The following STXBP5 variants were observed in gnomAD, a reference collection of about 807,000 sequenced individuals.
STXBP5 encodes syntaxin-binding protein 5.
In STXBP5, 50 loss-of-function variants were observed where a neutral mutation model predicts 152.4. The ratio of observed to expected loss-of-function variants is 0.33; its 90% CI spans 0.26 to 0.42. The LOEUF (loss-of-function observed/expected upper bound fraction) is 0.42, where lower values mean the gene tolerates loss of function less well. Ranked by LOEUF, STXBP5 falls within the 10% of genes least tolerant of loss-of-function variation. STXBP5 has a pLI of 1.00. For missense variants in STXBP5, 1,167 were observed against 1,388.6 expected (o/e 0.84, Z 2.54); for synonymous variants, 492 against 494.7 (o/e 0.99, Z 0.07).
At chr6:147,316,081 T>G (rs1782628871) in intron 15 of STXBP5, 148 bp from the exon 16 acceptor site, 2 of 794,632 alleles carry the variant, frequency 2.5e-6, no homozygotes, top group Non-Finnish European at 3.9e-6. Context: ...TGCTAAATCC[T>G]TATTTTTTGA....
intron 27 of STXBP5, among the ~76,000 whole-genome samples, chr6:147,383,854 C>T (rs1481076411): frequency 6.6e-6 from 1 of 151,912 alleles, no homozygotes; most frequent in Non-Finnish European, 1.5e-5. Context: ...GTAACTTGAC[C>T]TGGAAGATAC....
At chr6:147,242,989 T>C (rs1482260263) in intron 4 of STXBP5, among the ~76,000 whole-genome samples, 1 of 152,230 alleles carries the variant, frequency 6.6e-6, no homozygotes, top group Non-Finnish European at 1.5e-5. Flanking sequence ...TGTATTTCCA[T>C]TCACCTATTG....
chr6:147,272,020 A>G (rs1780196553), intron 7 of STXBP5, among the ~76,000 whole-genome samples: 1 of 152,134 alleles, frequency 6.6e-6, no homozygotes, highest in Non-Finnish European at 1.5e-5. Context: ...GATGAAATGG[A>G]GAATTTCCTT....
intron 19 of STXBP5, among the ~76,000 whole-genome samples, chr6:147,337,571 TTTA>T (rs1381684663): frequency 6.6e-6 from 1 of 152,034 alleles, no homozygotes; most frequent in African/African-American, 2.4e-5. Context: ...TTTTTCTGAT[TTTA>T]TTATGTATAG....
rs1467732945 is a variant in STXBP5 at position 147,204,915 on chromosome 6, C to T, written c.150+233C>T. Among the ~76,000 whole-genome samples, 6 of 152,168 alleles carry T rather than the reference C, an allele frequency of 3.9e-5. No homozygotes were observed. Among genetic ancestry groups the T allele is most frequent in the Admixed American group, 6.5e-5 (1 of 15,282 alleles). On this transcript the variant is annotated intron_variant, in intron 1 of 27. Coordinates refer to ENST00000321680, the MANE Select transcript of STXBP5 (RefSeq NM_001127715.4). This position sits in a 1 kb window ranked among gnomAD's most constrained non-coding sequence, Gnocchi z 4.3. ...TTCTCTCTCCCCTTTGCACATGCAG[C>T]AATCAGTTCAAGGTTGCTTCAAACT...
intron 2 of STXBP5, among the ~76,000 whole-genome samples, chr6:147,233,279 T>C (rs1243534081): frequency 6.6e-6 from 1 of 151,770 alleles, no homozygotes; most frequent in African/African-American, 2.4e-5. Context: ...ATATGAATGC[T>C]GCACTCGTAT....
intron 19 of STXBP5, among the ~76,000 whole-genome samples, chr6:147,334,571 A>G (rs1041317645): frequency 1.3e-5 from 2 of 152,158 alleles, no homozygotes; most frequent in Non-Finnish European, 2.9e-5. Flanking sequence ...AATGTTTAAC[A>G]CTTATAATCT....
chr6:147,253,956 T>C (rs1779229720), intron 4 of STXBP5, among the ~76,000 whole-genome samples: 1 of 152,206 alleles, frequency 6.6e-6, no homozygotes. Flanking sequence ...TTAAATTTTA[T>C]GTGGAACCAA....
intron 25 of STXBP5, among the ~76,000 whole-genome samples, chr6:147,365,576 G>A (rs1449023081): frequency 6.6e-6 from 1 of 152,074 alleles, no homozygotes; most frequent in Non-Finnish European, 1.5e-5. Flanking sequence ...TAGTCTTTTA[G>A]TAGTAAACTA....
chr6:147,311,565 G>A (rs1278243738), intron 11 of STXBP5, 38 bp downstream of exon 11: 2 of 1,514,546 alleles, frequency 1.3e-6, no homozygotes, highest in East Asian at 2.3e-5. Context: ...CTATCAGTAT[G>A]TGGTTGAAAA....
intron 26 of STXBP5, among the ~76,000 whole-genome samples, chr6:147,380,242 C>CA (rs1786015543): frequency 6.6e-6 from 1 of 151,142 alleles, no homozygotes; most frequent in African/African-American, 2.4e-5. Flanking sequence ...TGGAGGGACT[C>CA]AAACATTTCA....
At chr6:147,351,654 A>AT (rs1346989963) in intron 21 of STXBP5, among the ~76,000 whole-genome samples, 1 of 152,104 alleles carries the variant, frequency 6.6e-6, no homozygotes, top group Non-Finnish European at 1.5e-5. Context: ...TTTAACTGAA[A>AT]TTTTTTACGT....
chr6:147,252,987 A>G (rs1288353598), intron 4 of STXBP5, among the ~76,000 whole-genome samples: 5 of 152,072 alleles, frequency 3.3e-5, no homozygotes, highest in African/African-American at 1.2e-4. Context: ...TGATACCACA[A>G]CCTTTCAGAG....
chr6:147,225,943 T>C (rs1012369291), intron 2 of STXBP5, among the ~76,000 whole-genome samples: 1 of 152,178 alleles, frequency 6.6e-6, no homozygotes, highest in Non-Finnish European at 1.5e-5. Context: ...TTCCTGATAG[T>C]GACAGGATTA....
At chr6:147,237,747 A>G (rs1429883082) in intron 3 of STXBP5, among the ~76,000 whole-genome samples, 2 of 152,200 alleles carry the variant, frequency 1.3e-5, no homozygotes, top group African/African-American at 4.8e-5. Context: ...ATAATTTAAT[A>G]TAAATCTTGT....
chr6:147,284,245 G>A (rs573129241), intron 8 of STXBP5, among the ~76,000 whole-genome samples: 6 of 152,202 alleles, frequency 3.9e-5, no homozygotes, highest in Non-Finnish European at 8.8e-5. Flanking sequence ...GGATAGCCAC[G>A]CTAGACTGAG....
chr6:147,380,173 T>TACACACACACAC (rs58343558), intron 26 of STXBP5, among the ~76,000 whole-genome samples: 3 of 143,050 alleles, frequency 2.1e-5, no homozygotes, highest in African/African-American at 7.9e-5. Flanking sequence ...AATAGCCACG[T>TACACACACACAC]ACACACACAC....
Position 147,382,911 on chromosome 6 carries a change from T to G in STXBP5, c.3327T>G (p.Asp1109Glu). The change falls in exon 27 of 28, where the codon GAT becomes GAG. Residue 1109 changes from aspartate (D) to glutamate (E), a missense_variant. Physicochemically the swap from Asp to Glu is conservative, Grantham distance 45. Transcript: ENST00000321680. ...GELARARLAL[D>E]ERGQKLGDLE... ...TAGCACGAGCCAGGCTGGCACTAGA[T>G]GAAAGAGGGCAGAAACTTGGCGATC... is the stretch of plus-strand genomic sequence containing the variant. 6.2e-7 allele frequency: 1 copy of G among 1,613,330 alleles called. No homozygotes were observed. The highest frequency in any genetic ancestry group is 8.5e-7 in the Non-Finnish European group (1 of 1,179,668).
At chr6:147,375,924 CTA>C (rs1785789155) in intron 26 of STXBP5, among the ~76,000 whole-genome samples, 2 of 151,898 alleles carry the variant, frequency 1.3e-5, no homozygotes, top group South Asian at 4.1e-4. Flanking sequence ...ATCCATAATT[CTA>C]TACGCAAAAA....
Sources: gnomAD v4.1 joint callset for allele counts (sites outside exome capture counted in the v4.1 genomes callset) on GRCh38, gnomAD v4.1.1 for gene constraint, Gnocchi (gnomAD v3.1) non-coding constraint, MANE v1.5 for transcripts, NCBI Gene and HGNC (gene_info 2026-07-23, HGNC 2026-07-21) for gene names.